The following SAMD15 variants were observed in gnomAD, a reference collection of about 807,000 sequenced individuals.
SAMD15 encodes sterile alpha motif domain-containing protein 15.
A neutral mutation model predicts 50.5 loss-of-function variants in SAMD15; 37 were observed. The observed-to-expected ratio is 0.73, with a 90% CI of 0.56 to 0.96. The LOEUF (loss-of-function observed/expected upper bound fraction) is 0.96. Among genes scored for constraint, SAMD15 ranks in the 40% least tolerant of loss-of-function variants. The probability of loss-of-function intolerance (pLI) is 0.00; values close to 1 mark genes in which losing one functional copy is unlikely to be tolerated. For missense variants in SAMD15, 789 were observed against 783.8 expected, an observed-to-expected ratio of 1.01 and a Z score of -0.08; for synonymous variants, 255 against 282.8, an observed-to-expected ratio of 0.90 and a Z score of 0.99.
At chr14:77,386,633 C>A (rs1417540068) in intron 2 of SAMD15, among the ~76,000 whole-genome samples, 1 of 152,030 alleles carries the variant, frequency 6.6e-6, no homozygotes, top group Non-Finnish European at 1.5e-5. Context: ...CAGAGGGAGA[C>A]CTCATCTCTG....
rs1206336079 is a variant in SAMD15 at position 77,391,690 on chromosome 14, C to T, written c.*446C>T. On this transcript the variant is annotated 3_prime_UTR_variant, in exon 3 of 3. Transcript: ENST00000216471. ...AGTTGTGTCTCTGACTTATGGTACCCTCCCTTTCTTTTTGCAATTTAACCC... is the reference window on the plus strand; with the variant it reads ...AGTTGTGTCTCTGACTTATGGTACCTTCCCTTTCTTTTTGCAATTTAACCC... Among the ~76,000 whole-genome samples, 1 of 152,128 alleles carries T rather than the reference C, an allele frequency of 6.6e-6. No individual in the cohort carries two copies. The highest frequency in any genetic ancestry group is 1.5e-5 in the Non-Finnish European group (1 of 68,032).
At chr14:77,386,749 A>T (rs1203233823) in intron 2 of SAMD15, among the ~76,000 whole-genome samples, 1 of 152,236 alleles carries the variant, frequency 6.6e-6, no homozygotes, top group Non-Finnish European at 1.5e-5. Flanking sequence ...CAATTATACA[A>T]ATATGCATAG....
chr14:77,382,551 C>A (rs1399328244), intron 2 of SAMD15, among the ~76,000 whole-genome samples: 1 of 152,202 alleles, frequency 6.6e-6, no homozygotes, highest in Admixed American at 6.5e-5. Flanking sequence ...TGAGCCACCA[C>A]GCCCGACTTA....
chr14:77,386,879 A>C (rs992831461), intron 2 of SAMD15, among the ~76,000 whole-genome samples: 2 of 152,226 alleles, frequency 1.3e-5, no homozygotes, highest in Non-Finnish European at 2.9e-5. Flanking sequence ...AGTTACAATG[A>C]TAATATAGTA....
Position 77,377,599 on chromosome 14 carries a change from GA to G in SAMD15, c.183del (p.Glu62ArgfsTer16). 1 of 1,614,180 alleles carries G rather than the reference GA, an allele frequency of 6.2e-7. No homozygotes were observed. The highest frequency in any genetic ancestry group is 8.5e-7 in the Non-Finnish European group (1 of 1,180,042). On this transcript the variant is annotated frameshift_variant, in exon 1 of 3. Transcript: ENST00000216471. LOFTEE classifies it high-confidence loss of function. ...CCAAGAGCCACAGCCAGAGACCGAG[GA>G]AGAGGACTTCAAAGAGGGGGAGCCA... ...IYQEPQPETEEEDFKEGEPDS... is the reference protein window; with the variant it reads ...IYQEPQPETEXEDFKEGEPDS...
At chr14:77,385,425 AC>A (rs1486414948) in intron 2 of SAMD15, among the ~76,000 whole-genome samples, 1 of 151,766 alleles carries the variant, frequency 6.6e-6, no homozygotes, top group East Asian at 2.0e-4. Context: ...AGCTGGGATT[AC>A]AGGCGCCCAC....
rs1894068421 is a variant in SAMD15, at chr14:77,391,199, A to C, written c.1980A>C (p.Ile660=). The C allele has an allele frequency of 6.2e-7, 1 of 1,613,908 alleles. No individual in the cohort carries two copies. Among genetic ancestry groups the C allele is most frequent in the African/African-American group, 1.3e-5 (1 of 74,940 alleles). Residue 660 remains isoleucine, a synonymous_variant, in exon 3 of 3, where the codon ATA becomes ATC. Coordinates refer to ENST00000216471, the MANE Select transcript of SAMD15 (RefSeq NM_001010860.4). ...AAGLQDYAPE[I]TAPEENEELP... is the part of the protein sequence containing the mutation. Reference sequence around the variant, plus strand: ...GATTACAGGATTATGCTCCAGAAATAACTGCCCCTGAAGAGAATGAGGAAT... The same window carrying C: ...GATTACAGGATTATGCTCCAGAAATCACTGCCCCTGAAGAGAATGAGGAAT...
chr14:77,390,950 C>A, intron 2 of SAMD15, 58 bp from the exon 3 acceptor site: 1 of 1,026,524 alleles, frequency 9.7e-7, no homozygotes, highest in South Asian at 1.4e-5. Context: ...AATAAACCTT[C>A]TTTGATTTGG....
In SAMD15 at chr14:77,391,129, T is replaced by A; in HGVS notation, c.1910T>A (p.Ile637Lys). ...LYLEQKGHTG[I>K]KSDSLTLSEF... The stretch of plus-strand genomic sequence containing the variant: ...TTAGAGCAAAAAGGTCATACTGGGA[T>A]AAAATCTGATTCCTTGACTTTATCT... The change falls in exon 3 of 3, where the codon ATA becomes AAA. Residue 637 changes from isoleucine to lysine, a missense_variant. By Grantham distance (102) the Ile-to-Lys change is moderately radical (BLOSUM62 -3). Around this residue, in one of 2 missense-constraint regions of SAMD15, gnomAD observed 770 missense variants for 745.4 expected, o/e 1.03. Transcript: ENST00000216471. The A allele has an allele frequency of 1.2e-6, 2 of 1,613,912 alleles. No individual in the cohort carries two copies. The highest frequency in any genetic ancestry group is 1.7e-6 in the Non-Finnish European group (2 of 1,179,814).
chr14:77,379,410 C>A (rs1438797114), intron 1 of SAMD15, among the ~76,000 whole-genome samples: 1 of 147,652 alleles, frequency 6.8e-6, no homozygotes, highest in Non-Finnish European at 1.5e-5. Context: ...TTTTGAGACA[C>A]AATCTCGCTC....
chr14:77,379,298 A>G (rs562697163), intron 1 of SAMD15, among the ~76,000 whole-genome samples, 191 bp downstream of exon 1: 5 of 152,180 alleles, frequency 3.3e-5, no homozygotes, highest in Admixed American at 3.3e-4. Context: ...AGAGGAAGGG[A>G]GGGTCACATC....
At chr14:77,390,539 T>C (rs142998988) in intron 2 of SAMD15, among the ~76,000 whole-genome samples, 49 of 152,296 alleles carry the variant, frequency 3.2e-4, no homozygotes, top group African/African-American at 1.1e-3. Context: ...AAATTGGTTT[T>C]GGTAAGGTTA....
chr14:77,387,806 T>C (rs1024182277), intron 2 of SAMD15, among the ~76,000 whole-genome samples: 3 of 151,920 alleles, frequency 2.0e-5, no homozygotes, highest in African/African-American at 7.3e-5. Flanking sequence ...AATCTTAGCA[T>C]TTTGGAGGCT....
At chr14:77,381,098 C>T (rs1490320944) in intron 2 of SAMD15, among the ~76,000 whole-genome samples, 1 of 152,148 alleles carries the variant, frequency 6.6e-6, no homozygotes. Context: ...TCCTCATTTG[C>T]ATCTCCCCAA....
At position 77,377,523 on chromosome 14, in the gene SAMD15, C is replaced by T. The variant is rs755657029; in HGVS notation, c.105C>T (p.Ala35=). The T allele has an allele frequency of 3.1e-6, 5 of 1,613,992 alleles. No individual in the cohort carries two copies. Among genetic ancestry groups the T allele is most frequent in the African/African-American group, 1.3e-5 (1 of 74,890 alleles). ...LPGLHKLYEN[A]EPDTMAKADS... ...GACTTCATAAATTGTATGAAAATGC[C>T]GAACCAGACACCATGGCAAAGGCAG... Residue 35 remains alanine (A), a synonymous_variant, in exon 1 of 3, where the codon GCC becomes GCT. Coordinates refer to ENST00000216471, the MANE Select transcript of SAMD15 (RefSeq NM_001010860.4).
rs61729313 is a variant in SAMD15 at position 77,377,577 on chromosome 14, A to G, written c.159A>G (p.Gln53=). The stretch of plus-strand genomic sequence containing the variant: ...CGAAGCTACCAGCAGAGATTTACCA[A>G]GAGCCACAGCCAGAGACCGAGGAAG... The part of the protein sequence containing the change: ...ADSKLPAEIY[Q]EPQPETEEED... The change falls in exon 1 of 3, where the codon CAA becomes CAG. Residue 53 remains glutamine (Q), a synonymous_variant. Transcript: ENST00000216471. The G allele has an allele frequency of 9.8e-3, 15,809 of 1,614,058 alleles. 1,357 individuals carry two copies. In the African/African-American group the frequency reaches 0.18, roughly 19 times the overall value.
Position 77,378,887 on chromosome 14 carries a change from A to G in SAMD15, c.1469A>G (p.Glu490Gly). 1 of 1,614,028 alleles carries G rather than the reference A, an allele frequency of 6.2e-7. No homozygotes were observed. Among genetic ancestry groups the G allele is most frequent in the Non-Finnish European group, 8.5e-7 (1 of 1,179,970 alleles). ...CTCCAAAAATTGCTTAATGTCAGTG[A>G]AGAATGCTCATACTCAGATCCCTCA... ...QPLQKLLNVS[E>G]ECSYSDPSES... Residue 490 changes from glutamate (E) to glycine (G), a missense_variant, in exon 1 of 3, where the codon GAA (glutamate) becomes GGA (glycine). Coordinates refer to ENST00000216471, the MANE Select transcript of SAMD15 (RefSeq NM_001010860.4).
intron 2 of SAMD15, among the ~76,000 whole-genome samples, chr14:77,388,707 C>A (rs1045066879): frequency 6.6e-6 from 1 of 151,942 alleles, no homozygotes; most frequent in African/African-American, 2.4e-5. Context: ...CTCCCAGGTT[C>A]AAGCGACTCT....
At chr14:77,389,768 G>A (rs1894050068) in intron 2 of SAMD15, among the ~76,000 whole-genome samples, 1 of 152,012 alleles carries the variant, frequency 6.6e-6, no homozygotes, top group South Asian at 2.1e-4. Context: ...CAAAGTGCTG[G>A]GATTACAGGC....
Sources: allele counts gnomAD v4.1 joint callset (sites outside exome capture counted in the v4.1 genomes callset), GRCh38; gene constraint gnomAD v4.1.1; regional missense constraint gnomAD v4.1.1; transcripts MANE v1.5; gene names NCBI Gene and HGNC (gene_info 2026-07-23, HGNC 2026-07-21).